MAP2K1: variants seen among roughly 807,000 people sequenced by gnomAD.
MAP2K1 encodes the protein dual specificity mitogen-activated protein kinase kinase 1.
In MAP2K1, 16 loss-of-function variants were observed where a neutral mutation model predicts 46.3. That is an observed-to-expected ratio of 0.35 (90% CI 0.23 to 0.52). The LOEUF is 0.52. MAP2K1 is among the 20% of genes least tolerant of loss of function. The pLI, the probability that MAP2K1 is intolerant of heterozygous loss-of-function variation, is 0.94. For synonymous variants in MAP2K1, 183 were observed against 185.6 expected (o/e 0.99, Z 0.11); for missense variants, 263 against 497.1 (o/e 0.53, Z 4.48).
chr15:66,402,480 G>A (rs1370649306), intron 1 of MAP2K1, among the ~76,000 whole-genome samples: 2 of 152,088 alleles, frequency 1.3e-5, no homozygotes, highest in Admixed American at 1.3e-4. Context: ...ACGTAGTTTT[G>A]AGAGTCATAT....
chr15:66,473,082 T>C (rs1892678130), intron 5 of MAP2K1, among the ~76,000 whole-genome samples: 1 of 152,236 alleles, frequency 6.6e-6, no homozygotes, highest in Admixed American at 6.5e-5. Context: ...TTCTCCTGCC[T>C]GTAGGTGGTT....
chr15:66,489,775 T>C lies in MAP2K1; in HGVS notation c.1068+12T>C. ...TGAAGCAACTCATGGTGAGTCTATT[T>C]ATTCCGGATTCTTACAGTACCTGTT... On this transcript the variant is annotated intron_variant, in intron 10 of 10. Transcript: ENST00000307102. 2.5e-6 allele frequency: 4 copies of C among 1,606,036 alleles called. No homozygotes were observed. The highest frequency in any genetic ancestry group is 3.4e-6 in the Non-Finnish European group (4 of 1,172,644).
At chr15:66,442,627 T>G (rs2093507541) in intron 3 of MAP2K1, among the ~76,000 whole-genome samples, 1 of 152,192 alleles carries the variant, frequency 6.6e-6, no homozygotes, top group African/African-American at 2.4e-5. Context: ...CACAGAAGAC[T>G]TATGTGACCA....
At chr15:66,420,855 GTGTGTATATATA>G (rs2093439006) in intron 1 of MAP2K1, among the ~76,000 whole-genome samples, 4 of 104,104 alleles carry the variant, frequency 3.8e-5, no homozygotes, top group Non-Finnish European at 5.7e-5. Context: ...GTATATATAT[GTGTGTATATATA>G]TGTGTGTATA....
intron 5 of MAP2K1, among the ~76,000 whole-genome samples, chr15:66,478,402 A>ATATATATATACACACACAGG (rs1555420080): frequency 2.4e-5 from 3 of 124,164 alleles, no homozygotes; most frequent in East Asian, 4.0e-4. Flanking sequence ...ATGTGTGTGT[A>ATATATATATACACACACAGG]TATATATATA....
intron 5 of MAP2K1, among the ~76,000 whole-genome samples, chr15:66,464,773 C>T (rs1415270689): frequency 6.6e-6 from 1 of 151,880 alleles, no homozygotes; most frequent in Non-Finnish European, 1.5e-5. Flanking sequence ...GTGAATCCAC[C>T]TGCCTCGGCC....
chr15:66,418,800 C>G (rs1567002109), intron 1 of MAP2K1, among the ~76,000 whole-genome samples: 1 of 151,800 alleles, frequency 6.6e-6, no homozygotes, highest in Non-Finnish European at 1.5e-5. Flanking sequence ...GCACCCGCCA[C>G]CACGCCTGGC....
chr15:66,470,191 A>G (rs1302822457), intron 5 of MAP2K1, among the ~76,000 whole-genome samples: 2 of 144,262 alleles, frequency 1.4e-5, no homozygotes, highest in African/African-American at 5.1e-5. Flanking sequence ...ATCAAGTTGC[A>G]TAGAGTTGGT....
At chr15:66,419,246 G>A (rs1039638752) in intron 1 of MAP2K1, among the ~76,000 whole-genome samples, 4 of 151,932 alleles carry the variant, frequency 2.6e-5, no homozygotes, top group South Asian at 2.1e-4. Context: ...CTGGCTGGGC[G>A]CGGTGGCTCA....
At chr15:66,445,989 C>T (rs370404988) in intron 5 of MAP2K1, among the ~76,000 whole-genome samples, 12 of 151,710 alleles carry the variant, frequency 7.9e-5, no homozygotes, top group South Asian at 4.2e-4. Context: ...TTTGGGAGGT[C>T]GAGGCGGGCA....
intron 1 of MAP2K1, among the ~76,000 whole-genome samples, chr15:66,428,271 CGTGTGTGTGTGTGTGTGTGTGTGT>C (rs67373670): frequency 3.1e-4 from 38 of 122,376 alleles, no homozygotes; most frequent in South Asian, 5.8e-4. Context: ...AGCAGTTGTG[CGTGTGTGTGTGTGTGTGTGTGTGT>C]GTGTGTGTGT....
At chr15:66,454,316 A>C (rs1244205790) in intron 5 of MAP2K1, among the ~76,000 whole-genome samples, 4 of 152,150 alleles carry the variant, frequency 2.6e-5, no homozygotes, top group Non-Finnish European at 4.4e-5. Flanking sequence ...CACAGTGATA[A>C]AGTTGAAGGT....
At chr15:66,425,812 G>A (rs531100852) in intron 1 of MAP2K1, among the ~76,000 whole-genome samples, 1 of 152,318 alleles carries the variant, frequency 6.6e-6, no homozygotes, top group East Asian at 1.9e-4. Context: ...ATTCCGGAAG[G>A]AAGGGCACAC....
chr15:66,459,541 A>G (rs62010228), intron 5 of MAP2K1, among the ~76,000 whole-genome samples: 1 of 150,562 alleles, frequency 6.6e-6, no homozygotes, highest in African/African-American at 2.4e-5. Flanking sequence ...TCACTTGAAC[A>G]TGGGAGGTGG....
At chr15:66,415,390 A>G (rs545923311) in intron 1 of MAP2K1, among the ~76,000 whole-genome samples, 1 of 152,320 alleles carries the variant, frequency 6.6e-6, no homozygotes, top group African/African-American at 2.4e-5. Flanking sequence ...CAAATTCTTT[A>G]TTATACAACA....
intron 1 of MAP2K1, among the ~76,000 whole-genome samples, chr15:66,419,654 T>C (rs2093432884): frequency 6.6e-6 from 1 of 152,166 alleles, no homozygotes; most frequent in African/African-American, 2.4e-5. Flanking sequence ...TATTCAATAT[T>C]TGAGGAAAGT....
chr15:66,490,227 A>T, intron 10 of MAP2K1: 1 of 588,148 alleles, frequency 1.7e-6, no homozygotes, highest in South Asian at 1.8e-5. Context: ...GTCCCTTCTA[A>T]CAAGCCTGTG....
intron 1 of MAP2K1, among the ~76,000 whole-genome samples, chr15:66,389,610 T>C (rs905649005): frequency 4.9e-5 from 7 of 141,682 alleles, no homozygotes; most frequent in Non-Finnish European, 9.0e-5. Flanking sequence ...AGTCTCGCTC[T>C]GTTGCCCAGG....
intron 5 of MAP2K1, among the ~76,000 whole-genome samples, chr15:66,462,459 T>C (rs918195637): frequency 2.2e-5 from 3 of 133,460 alleles, no homozygotes; most frequent in Admixed American, 8.5e-5. Flanking sequence ...ATCGCACCAG[T>C]GCACTCCACC....
Sources: allele counts gnomAD v4.1 joint callset (sites outside exome capture counted in the v4.1 genomes callset), GRCh38; gene constraint gnomAD v4.1.1; transcripts MANE v1.5; gene names NCBI Gene and HGNC (gene_info 2026-07-23, HGNC 2026-07-21).